The following CFAP44 variants were observed in gnomAD, a reference collection of about 807,000 sequenced individuals.
CFAP44 encodes cilia- and flagella-associated protein 44.
In CFAP44, 134 loss-of-function variants were observed where a neutral mutation model predicts 216.2. That is an observed-to-expected ratio of 0.62 (90% CI 0.54 to 0.72). CFAP44 has a LOEUF of 0.72. CFAP44 is among the 30% of genes least tolerant of loss of function. The probability of loss-of-function intolerance (pLI) is 0.00; values close to 1 mark genes in which losing one functional copy is unlikely to be tolerated. For missense variants in CFAP44, 2,035 were observed against 2,182.1 expected (o/e 0.93, Z 1.34); for synonymous variants, 700 against 727.6 (o/e 0.96, Z 0.61).
At chr3:113,345,464 G>A (rs1037533689) in intron 22 of CFAP44, among the ~76,000 whole-genome samples, 23 of 152,226 alleles carry the variant, frequency 1.5e-4, no homozygotes, top group African/African-American at 5.5e-4. Context: ...TATAAAAAGA[G>A]CAGACCTTGA....
Position 113,330,641 on chromosome 3 carries a change from T to G in CFAP44, c.3643A>C (p.Lys1215Gln), listed in dbSNP as rs771923244. The G allele has an allele frequency of 2.0e-6, 3 of 1,535,154 alleles. No homozygotes were observed. The Admixed American group carries it at 5.9e-5, about 30-fold the overall frequency. The change falls in exon 26 of 35, where the codon AAG becomes CAG. Residue 1215 changes from lysine (K) to glutamine (Q), a missense_variant. Lys to Gln is a moderately conservative substitution (Grantham distance 53). Around this residue, in one of 3 missense-constraint regions of CFAP44, gnomAD observed 1,883 missense variants for 2,023.7 expected, o/e 0.93. Transcript: ENST00000393845. ...LVHGNKRHMN[K>Q]CILSLRDLKV... The stretch of plus-strand genomic sequence containing the variant: ...AGGTCTCTAAGAGAGAGAATGCACT[T>G]GTTCATGTGCCTTTTATTTCCATGG...
At chr3:113,294,935 G>T in intron 33 of CFAP44, 114 bp from the exon 34 acceptor site, 1 of 1,244,884 alleles carries the variant, frequency 8.0e-7, no homozygotes, top group Non-Finnish European at 1.1e-6. Flanking sequence ...GTGCCCATAT[G>T]AAAATATAAT....
chr3:113,306,813 T>A (rs1410235170), intron 29 of CFAP44, among the ~76,000 whole-genome samples: 1 of 152,212 alleles, frequency 6.6e-6, no homozygotes, highest in African/African-American at 2.4e-5. Flanking sequence ...AGCTTAGATC[T>A]AGCCCTAGTG....
intron 28 of CFAP44, among the ~76,000 whole-genome samples, chr3:113,322,988 T>C (rs1308166055): frequency 6.6e-6 from 1 of 152,180 alleles, no homozygotes. Flanking sequence ...CAGAGTGAAG[T>C]TGGCGGCGGG....
chr3:113,401,355 CTA>C, intron 10 of CFAP44, 68 bp from the exon 11 acceptor site: 1 of 1,421,186 alleles, frequency 7.0e-7, no homozygotes, highest in African/African-American at 1.5e-5. Context: ...AATGTTCTTT[CTA>C]TGTTTTATTA....
At chr3:113,318,595 C>A (rs1950110876) in intron 28 of CFAP44, among the ~76,000 whole-genome samples, 1 of 152,066 alleles carries the variant, frequency 6.6e-6, no homozygotes, top group African/African-American at 2.4e-5. Flanking sequence ...AGATATGATA[C>A]AAGATGACCA....
intron 5 of CFAP44, 91 bp from the exon 6 acceptor site, chr3:113,416,718 T>C: frequency 1.1e-6 from 1 of 918,092 alleles, no homozygotes; most frequent in South Asian, 1.9e-5. Flanking sequence ...CATTATTTCA[T>C]AATTTATTAG....
At chr3:113,318,956 A>C (rs13325192) in intron 28 of CFAP44, among the ~76,000 whole-genome samples, 2 of 146,932 alleles carry the variant, frequency 1.4e-5, no homozygotes, top group African/African-American at 4.9e-5. Context: ...AAATAAAAAA[A>C]CAAAAAAAAA....
intron 24 of CFAP44, among the ~76,000 whole-genome samples, chr3:113,334,665 GA>G (rs201418516): frequency 8.7e-5 from 13 of 149,840 alleles, no homozygotes; most frequent in African/African-American, 2.9e-4. Flanking sequence ...TTAAAGGATT[GA>G]AAAAAAAATG....
At chr3:113,427,434 G>A in intron 2 of CFAP44, 95 bp from the exon 3 acceptor site, 1 of 919,020 alleles carries the variant, frequency 1.1e-6, no homozygotes, top group Non-Finnish European at 1.6e-6. Flanking sequence ...TGCTATAGAT[G>A]TAATAAATCT....
chr3:113,303,800 C>T (rs1262497681), intron 32 of CFAP44, 116 bp downstream of exon 32: 4 of 1,114,450 alleles, frequency 3.6e-6, no homozygotes. Flanking sequence ...TCTTGTTTCC[C>T]TTCTCAGTGG....
At position 113,329,481 on chromosome 3, in the gene CFAP44, TGAA is replaced by T. The variant is rs1249591141; in HGVS notation, c.4116+684_4116+686del. ...GGGCTGGACAAAGAAGAGATAATGG[TGAA>T]GAATAAGGCTGGGAAGCTACTGAGG... On this transcript the variant is annotated intron_variant, in intron 26 of 34. Transcript: ENST00000393845. 2.6e-5 allele frequency among the ~76,000 whole-genome samples: 4 copies of T among 152,102 alleles called. No homozygotes were observed. In the East Asian group the frequency reaches 7.7e-4, roughly 29 times the overall value.
intron 26 of CFAP44, among the ~76,000 whole-genome samples, chr3:113,328,696 T>TA (rs58650082): frequency 0.13 from 3,568 of 27,844 alleles, 432 homozygotes; most frequent in Non-Finnish European, 0.17. Context: ...TTAGAGAGCT[T>TA]AAAAAAAAAA....
At chr3:113,316,473 A>G (rs1950088670) in intron 28 of CFAP44, among the ~76,000 whole-genome samples, 1 of 152,224 alleles carries the variant, frequency 6.6e-6, no homozygotes, top group Admixed American at 6.5e-5. Context: ...GAGAAAAACA[A>G]TAAAGAAAAT....
chr3:113,426,210 C>T lies in CFAP44; in HGVS notation c.321G>A (p.Glu107=), dbSNP rs779844934. The T allele has an allele frequency of 2.7e-5, 43 of 1,614,018 alleles. No individual in the cohort carries two copies. The highest frequency in any genetic ancestry group is 2.5e-5 in the Non-Finnish European group (30 of 1,179,990). The change falls in exon 4 of 35, where the codon GAG becomes GAA. Residue 107 remains glutamate, a synonymous_variant. Transcript: ENST00000393845. ...GCTCCATATAATCATAGAAGAAGCT[C>T]TCTGATATTTTCTTCTTAACTTCCT... ...AEEEVKKKIS[E]SFFYDYMELA... is the part of the protein sequence containing the mutation.
At position 113,433,545 on chromosome 3, in the gene CFAP44, T is replaced by C. The variant is rs371957326; in HGVS notation, c.100+20A>G. The stretch of plus-strand genomic sequence containing the variant: ...CCTAAGTTTAATACTTTTAAAAGTA[T>C]ACATATTATCTTTACTTACATCTTG... On this transcript the variant is annotated intron_variant, in intron 2 of 34. Transcript: ENST00000393845. 5 of 1,502,692 alleles carry C rather than the reference T, an allele frequency of 3.3e-6. No individual in the cohort carries two copies. In the South Asian group the frequency reaches 4.5e-5, roughly 14 times the overall value. 93.1% of individuals were successfully genotyped at this position (1,502,692 alleles called of 1,614,324 possible).
At chr3:113,367,033 T>G (rs867913090) in intron 18 of CFAP44, among the ~76,000 whole-genome samples, 5 of 152,204 alleles carry the variant, frequency 3.3e-5, no homozygotes, top group South Asian at 2.1e-4. Context: ...TACTGAGGCT[T>G]GACTAAGTAA....
chr3:113,334,830 T>C (rs1474450409), intron 24 of CFAP44, among the ~76,000 whole-genome samples: 2 of 152,232 alleles, frequency 1.3e-5, no homozygotes, highest in African/African-American at 4.8e-5. Context: ...TGGGCTATCA[T>C]AGTACCTTGG....
At chr3:113,381,964 A>G (rs7614678) in intron 15 of CFAP44, among the ~76,000 whole-genome samples, 12,611 of 152,260 alleles carry the variant, frequency 0.083, 635 homozygotes, top group East Asian at 0.15. Context: ...TTTCAGAGAA[A>G]GTGGTATCTG....
Sources: allele counts gnomAD v4.1 joint callset (sites outside exome capture counted in the v4.1 genomes callset), GRCh38; gene constraint gnomAD v4.1.1; regional missense constraint gnomAD v4.1.1; transcripts MANE v1.5; gene names NCBI Gene and HGNC (gene_info 2026-07-23, HGNC 2026-07-21).